The following HGF variants were observed in gnomAD, a reference collection of about 807,000 sequenced individuals.
The protein encoded by HGF is hepatocyte growth factor, also known as fibroblast-derived tumor cytotoxic factor.
A neutral mutation model predicts 111.6 loss-of-function variants in HGF; 39 were observed. The ratio of observed to expected loss-of-function variants is 0.35; its 90% CI spans 0.27 to 0.46. The LOEUF (loss-of-function observed/expected upper bound fraction) is 0.46, where lower values mean the gene tolerates loss of function less well. Ranked by LOEUF, HGF falls within the 20% of genes least tolerant of loss-of-function variation. The probability of loss-of-function intolerance (pLI) is 1.00; values close to 1 mark genes in which losing one functional copy is unlikely to be tolerated. For synonymous variants in HGF, 285 were observed against 294.8 expected (o/e 0.97, Z 0.34); for missense variants, 735 against 910.5 (o/e 0.81, Z 2.48).
chr7:81,751,298 T>G, intron 5 of HGF: 2 of 985,132 alleles, frequency 2.0e-6, no homozygotes, highest in Non-Finnish European at 2.4e-6. Context: ...CACTTAGATT[T>G]TTGGAAATTT....
intron 5 of HGF, among the ~76,000 whole-genome samples, chr7:81,747,715 T>C (rs1788328823): frequency 6.6e-6 from 1 of 152,194 alleles, no homozygotes; most frequent in Non-Finnish European, 1.5e-5. Context: ...GTGCAGTGGC[T>C]CAAGCCTGCA....
chr7:81,721,892 G>A (rs764563585), intron 9 of HGF, among the ~76,000 whole-genome samples: 6 of 152,300 alleles, frequency 3.9e-5, no homozygotes, highest in Middle Eastern at 3.4e-3. Context: ...AAATAGCTTA[G>A]GCATACGTTA....
chr7:81,759,139 G>T (rs2116208624), intron 2 of HGF, among the ~76,000 whole-genome samples: 1 of 152,076 alleles, frequency 6.6e-6, no homozygotes. Context: ...ATTTCTGAAG[G>T]CTTTATTTTT....
chr7:81,768,661 G>A (rs1168615548), intron 1 of HGF, among the ~76,000 whole-genome samples: 1 of 152,150 alleles, frequency 6.6e-6, no homozygotes, highest in African/African-American at 2.4e-5. Flanking sequence ...TTACAGGCGT[G>A]AGCCACCGCA....
At chr7:81,703,404 T>G (rs1789339218) in intron 17 of HGF, among the ~76,000 whole-genome samples, 1 of 151,070 alleles carries the variant, frequency 6.6e-6, no homozygotes, top group Non-Finnish European at 1.5e-5. Context: ...ATAGTTATAT[T>G]TTATACCCTC....
intron 8 of HGF, among the ~76,000 whole-genome samples, chr7:81,728,973 A>G (rs1000303357): frequency 4.6e-5 from 7 of 152,334 alleles, no homozygotes; most frequent in Non-Finnish European, 7.3e-5. Context: ...CAAAAGTCAA[A>G]TGGTGTGAAA....
At chr7:81,705,034 A>T (rs1175537213) in intron 17 of HGF, among the ~76,000 whole-genome samples, 1 of 151,862 alleles carries the variant, frequency 6.6e-6, no homozygotes, top group Non-Finnish European at 1.5e-5. Context: ...GTTCACTTCG[A>T]GATAATTTGG....
At chr7:81,732,752 A>G (rs1441277696) in intron 7 of HGF, among the ~76,000 whole-genome samples, 1 of 152,176 alleles carries the variant, frequency 6.6e-6, no homozygotes, top group East Asian at 1.9e-4. Flanking sequence ...TATTAAGAGG[A>G]ATGATAAAAG....
chr7:81,711,334 A>C (rs1407047192), intron 12 of HGF, 147 bp downstream of exon 12: 1 of 450,600 alleles, frequency 2.2e-6, no homozygotes, highest in Non-Finnish European at 4.0e-6. Context: ...TGCATAGAAA[A>C]ATATATTTTA....
intron 12 of HGF, 108 bp downstream of exon 12, chr7:81,711,373 T>C (rs1361173277): frequency 3.6e-6 from 2 of 553,876 alleles, no homozygotes; most frequent in Non-Finnish European, 3.1e-6. Flanking sequence ...ATTAACTTCT[T>C]TTTATAATGG....
chr7:81,762,990 A>T, intron 1 of HGF, 118 bp from the exon 2 acceptor site: 2 of 673,836 alleles, frequency 3.0e-6, no homozygotes, highest in African/African-American at 3.6e-5. Context: ...ACAATATACT[A>T]GATTTCCAGG....
At chr7:81,758,873 G>T (rs1788922546) in intron 2 of HGF, 69 bp from the exon 3 acceptor site, 7 of 990,982 alleles carry the variant, frequency 7.1e-6, no homozygotes, top group East Asian at 2.4e-5. Flanking sequence ...ATGGGCATAT[G>T]GTTCATCTTG....
At chr7:81,754,324 T>A (rs898506782) in intron 4 of HGF, among the ~76,000 whole-genome samples, 2 of 151,916 alleles carry the variant, frequency 1.3e-5, no homozygotes, top group African/African-American at 4.8e-5. Context: ...AATACACAAA[T>A]ACTCAATATT....
At chr7:81,725,663 A>C (rs753969414) in intron 9 of HGF, among the ~76,000 whole-genome samples, 7 of 152,136 alleles carry the variant, frequency 4.6e-5, no homozygotes, top group Non-Finnish European at 7.4e-5. Flanking sequence ...TTACTGGTAT[A>C]TCTCCAAGGC....
chr7:81,727,411 C>A (rs75024618), intron 8 of HGF, among the ~76,000 whole-genome samples: 5,280 of 152,118 alleles, frequency 0.035, 301 homozygotes, highest in African/African-American at 0.12. Context: ...AGTCTTATCT[C>A]ATCAAAGTAA....
intron 5 of HGF, among the ~76,000 whole-genome samples, chr7:81,747,692 A>G (rs775796557): frequency 3.9e-4 from 59 of 152,174 alleles, no homozygotes; most frequent in Non-Finnish European, 7.2e-4. Context: ...TTAACATAAA[A>G]GGTATAGGCC....
At chr7:81,745,180 T>C (rs1356955406) in intron 5 of HGF, 60 bp from the exon 6 acceptor site, 4 of 1,582,644 alleles carry the variant, frequency 2.5e-6, no homozygotes, top group Non-Finnish European at 2.6e-6. Flanking sequence ...AAAACACCAC[T>C]GTTGCATTTA....
chr7:81,728,305 C>T (rs1020843500), intron 8 of HGF, among the ~76,000 whole-genome samples: 2 of 152,166 alleles, frequency 1.3e-5, no homozygotes, highest in Non-Finnish European at 2.9e-5. Flanking sequence ...ACTTCTGATA[C>T]TTAAGCTTCA....
At chr7:81,704,262 A>G (rs1562869928) in intron 17 of HGF, among the ~76,000 whole-genome samples, 1 of 151,782 alleles carries the variant, frequency 6.6e-6, no homozygotes, top group Admixed American at 6.6e-5. Flanking sequence ...GATAATCCAA[A>G]TTAAAGGCTA....
Sources: gnomAD v4.1 joint callset for allele counts (sites outside exome capture counted in the v4.1 genomes callset) on GRCh38, gnomAD v4.1.1 for gene constraint, MANE v1.5 for transcripts, NCBI Gene and HGNC (gene_info 2026-07-23, HGNC 2026-07-21) for gene names.